KCNQ1: variants seen among roughly 807,000 people sequenced by gnomAD.
KCNQ1 encodes potassium voltage-gated channel subfamily Q member 1.
In KCNQ1, 49 loss-of-function variants were observed where a neutral mutation model predicts 72.4. The ratio of observed to expected loss-of-function variants is 0.68; its 90% confidence interval spans 0.54 to 0.86. The LOEUF is 0.86. KCNQ1 is among the 40% of genes least tolerant of loss of function. KCNQ1 has a pLI of 0.00. For missense variants in KCNQ1, 790 were observed against 945.1 expected (o/e 0.84, Z 2.15); for synonymous variants, 450 against 412.6 (o/e 1.09, Z -1.10).
In KCNQ1 at chr11:2,713,636, C is replaced by T. The variant is rs560177247; in HGVS notation, c.1514+51555C>T. On this transcript the variant is annotated intron_variant, in intron 11 of 15. Transcript: ENST00000155840. This position sits in a 1 kb window ranked among gnomAD's most constrained non-coding sequence, Gnocchi z 5.6. ...AAAAAAGTGAGCTGACATTATGGGT[C>T]GGCCCCTGTTCTGGAGGCCACAGCC... Among the ~76,000 whole-genome samples, 53 of 152,298 alleles carry T rather than the reference C, an allele frequency of 3.5e-4. No homozygotes were observed. Among genetic ancestry groups the T allele is most frequent in the African/African-American group, 1.2e-3 (48 of 41,558 alleles).
rs770729301 is a variant in KCNQ1, at chr11:2,764,345, A to C, written c.1515-4499A>C. Among the ~76,000 whole-genome samples the C allele has an allele frequency of 1.3e-5, 2 of 152,122 alleles. No individual in the cohort carries two copies. The highest frequency in any genetic ancestry group is 2.4e-5 in the African/African-American group (1 of 41,412). ...TCTGACTTATTCTGTTGATGTGAAG[A>C]GTGACGCTGCTTGGTCCTTAGAGGG... On this transcript the variant is annotated intron_variant, in intron 11 of 15. Transcript: ENST00000155840. This position sits in a 1 kb window ranked among gnomAD's most constrained non-coding sequence, Gnocchi z 4.8.
Position 2,447,740 on chromosome 11 carries a change from T to C in KCNQ1, c.386+2256T>C, listed in dbSNP as rs1846062294. The stretch of plus-strand genomic sequence containing the variant: ...TAGGTGGATTGTGAAATGAGAAATA[T>C]TGTGGTTTCTGGCCTGAAGACGACA... On this transcript the variant is annotated intron_variant, in intron 1 of 15. Transcript: ENST00000155840. This position sits in a 1 kb window ranked among gnomAD's most constrained non-coding sequence, Gnocchi z 7.6. 6.6e-6 allele frequency among the ~76,000 whole-genome samples: 1 copy of C among 152,168 alleles called. No individual in the cohort carries two copies. The highest frequency in any genetic ancestry group is 2.4e-5 in the African/African-American group (1 of 41,526).
intron 10 of KCNQ1, chr11:2,641,823 A>C (rs1382833227): frequency 2.5e-6 from 1 of 398,334 alleles, no homozygotes; most frequent in Admixed American, 4.4e-5. Context: ...GTATAGCAAG[A>C]GATAGAAACG....
chr11:2,550,152 G>A lies in KCNQ1; in HGVS notation c.478-20476G>A, dbSNP rs940242642. 2.6e-5 allele frequency among the ~76,000 whole-genome samples: 4 copies of A among 152,206 alleles called. No individual in the cohort carries two copies. The highest frequency in any genetic ancestry group is 1.9e-4 in the East Asian group (1 of 5,192). On this transcript the variant is annotated intron_variant, in intron 2 of 15. Coordinates refer to ENST00000155840, the MANE Select transcript of KCNQ1 (RefSeq NM_000218.3). This position sits in a 1 kb window ranked among gnomAD's most constrained non-coding sequence, Gnocchi z 6.0. ...TAGAGAACCAGAGCTGCCGAGCCCC[G>A]GCCTGGATGGACATCCCGCAGGCAG...
At chr11:2,618,888 C>G (rs988175710) in intron 10 of KCNQ1, 2 of 398,014 alleles carry the variant, frequency 5.0e-6, no homozygotes, top group Non-Finnish European at 8.9e-6. Flanking sequence ...GTGTACAGGT[C>G]TTTCATCTTT....
At position 2,549,391 on chromosome 11, in the gene KCNQ1, C is replaced by G. The variant is rs539784977; in HGVS notation, c.478-21237C>G. On this transcript the variant is annotated intron_variant, in intron 2 of 15. Coordinates refer to ENST00000155840, the MANE Select transcript of KCNQ1 (RefSeq NM_000218.3). This position sits in a 1 kb window ranked among gnomAD's most constrained non-coding sequence, Gnocchi z 6.2. ...CCTTGCCATCCTCGCCATCCTCTCTCCACACATCTGACCTTTGCCTGCTTT... is the reference window on the plus strand; with the variant it reads ...CCTTGCCATCCTCGCCATCCTCTCTGCACACATCTGACCTTTGCCTGCTTT... Among the ~76,000 whole-genome samples the G allele has an allele frequency of 6.6e-6, 1 of 151,988 alleles. No homozygotes were observed. Among genetic ancestry groups the G allele is most frequent in the Non-Finnish European group, 1.5e-5 (1 of 67,998 alleles).
chr11:2,445,452 C>T lies in KCNQ1; in HGVS notation c.354C>T (p.Thr118=), dbSNP rs774963923. The T allele has an allele frequency of 1.9e-5, 30 of 1,596,922 alleles. No homozygotes were observed. In the South Asian group the frequency reaches 2.5e-4, roughly 13 times the overall value. ...GRVYNFLERP[T]GWKCFVYHFA... ...TCTACAACTTCCTCGAGCGTCCCAC[C>T]GGCTGGAAATGCTTCGTTTACCACT... Residue 118 remains threonine, a synonymous_variant, in exon 1 of 16, where the codon ACC becomes ACT. Coordinates refer to ENST00000155840, the MANE Select transcript of KCNQ1 (RefSeq NM_000218.3).
At chr11:2,531,959 A>ACCCAC (rs1228253535) in intron 2 of KCNQ1, among the ~76,000 whole-genome samples, 2 of 151,872 alleles carry the variant, frequency 1.3e-5, no homozygotes, top group Non-Finnish European at 2.9e-5. Flanking sequence ...CTGTAACACT[A>ACCCAC]CCCACCCCAC....
chr11:2,605,095 G>T (rs1848861070), intron 10 of KCNQ1, among the ~76,000 whole-genome samples: 1 of 152,166 alleles, frequency 6.6e-6, no homozygotes, highest in Non-Finnish European at 1.5e-5. Context: ...CAACCCTGAA[G>T]AAATTTCTAT....
intron 1 of KCNQ1, among the ~76,000 whole-genome samples, chr11:2,452,277 A>G (rs988032724): frequency 7.2e-5 from 11 of 152,198 alleles, no homozygotes; most frequent in Non-Finnish European, 4.4e-5. Flanking sequence ...TTCAGAAAGC[A>G]GGAACCACAG....
chr11:2,516,471 G>A lies in KCNQ1; in HGVS notation c.387-11457G>A, dbSNP rs1211444101. Among the ~76,000 whole-genome samples the A allele has an allele frequency of 6.6e-6, 1 of 152,070 alleles. No homozygotes were observed. The highest frequency in any genetic ancestry group is 1.5e-5 in the Non-Finnish European group (1 of 68,006). On this transcript the variant is annotated intron_variant, in intron 1 of 15. Transcript: ENST00000155840. This position sits in a 1 kb window ranked among gnomAD's most constrained non-coding sequence, Gnocchi z 7.0. ...TTCCTGTTTGAATTCTCAATCTCCG[G>A]GCTCAAAATTGGCCCCCAGAAAGCC...
chr11:2,605,526 T>C (rs1564831218), intron 10 of KCNQ1, among the ~76,000 whole-genome samples: 2 of 152,246 alleles, frequency 1.3e-5, no homozygotes, highest in Non-Finnish European at 2.9e-5. Flanking sequence ...GTTTCAACAC[T>C]ATTTGTTCAA....
chr11:2,682,957 T>C lies in KCNQ1; in HGVS notation c.1514+20876T>C, dbSNP rs2133882859. 2.5e-6 allele frequency: 1 copy of C among 398,608 alleles called. No individual in the cohort carries two copies. Among genetic ancestry groups the C allele is most frequent in the East Asian group, 3.6e-5 (1 of 28,060 alleles). The allele number at this position is 398,608 out of a possible 1,614,324, so 24.7% of individuals were successfully genotyped here. On this transcript the variant is annotated intron_variant, in intron 11 of 15. Transcript: ENST00000155840. This position sits in a 1 kb window ranked among gnomAD's most constrained non-coding sequence, Gnocchi z 5.8. ...TGTGTGGAAGAAAGGACAGGAGTCC[T>C]TCTGCCACCCAGACTGTGCATTCAG... is the stretch of plus-strand genomic sequence containing the variant.
intron 13 of KCNQ1, 91 bp from the exon 14 acceptor site, chr11:2,776,895 G>T: frequency 7.8e-7 from 1 of 1,286,670 alleles, no homozygotes; most frequent in Non-Finnish European, 1.1e-6. Flanking sequence ...CTGTCTTGCC[G>T]GGCACGTCAA....
chr11:2,720,884 C>T lies in KCNQ1; in HGVS notation c.1515-47960C>T, dbSNP rs905758525. ...GGGAGTTGGGGCCTGGCCTGGACCT[C>T]GAGGCCACTGGGGACTTGGCTACCT... On this transcript the variant is annotated intron_variant, in intron 11 of 15. Coordinates refer to ENST00000155840, the MANE Select transcript of KCNQ1 (RefSeq NM_000218.3). This position sits in a 1 kb window ranked among gnomAD's most constrained non-coding sequence, Gnocchi z 5.1. Among the ~76,000 whole-genome samples the T allele has an allele frequency of 6.6e-6, 1 of 152,000 alleles. No homozygotes were observed.
Position 2,600,027 on chromosome 11 carries a change from G to T in KCNQ1, c.1393+11173G>T, listed in dbSNP as rs1019543378. Among the ~76,000 whole-genome samples, 2 of 152,164 alleles carry T rather than the reference G, an allele frequency of 1.3e-5. No individual in the cohort carries two copies. Among genetic ancestry groups the T allele is most frequent in the African/African-American group, 4.8e-5 (2 of 41,442 alleles). ...TCTGACCTTGAATTCCACAGGCAGG[G>T]TTCCTCTTTCCCGGCCGGCATTCCT... On this transcript the variant is annotated intron_variant, in intron 10 of 15. Coordinates refer to ENST00000155840, the MANE Select transcript of KCNQ1 (RefSeq NM_000218.3). This position sits in a 1 kb window ranked among gnomAD's most constrained non-coding sequence, Gnocchi z 5.6.
Position 2,678,843 on chromosome 11 carries a change from T to A in KCNQ1, c.1514+16762T>A, listed in dbSNP as rs1260696661. 1 of 398,442 alleles carries A rather than the reference T, an allele frequency of 2.5e-6. No individual in the cohort carries two copies. The highest frequency in any genetic ancestry group is 3.6e-5 in the East Asian group (1 of 28,084). 24.7% of individuals were successfully genotyped at this position (398,442 alleles called of 1,614,324 possible). A position where few individuals can be genotyped will look rare whatever the true frequency, so the allele number is the denominator to read the frequency against. On this transcript the variant is annotated intron_variant, in intron 11 of 15. Transcript: ENST00000155840. This position sits in a 1 kb window ranked among gnomAD's most constrained non-coding sequence, Gnocchi z 4.9. ...AAGGCTCACTTCAAGGAAGGCAGAA[T>A]CCAGGTCGGGGGTGCACAGGAGTTG...
chr11:2,678,499 T>C lies in KCNQ1; in HGVS notation c.1514+16418T>C. On this transcript the variant is annotated intron_variant, in intron 11 of 15. Coordinates refer to ENST00000155840, the MANE Select transcript of KCNQ1 (RefSeq NM_000218.3). The surrounding 1 kb of genome is among the most constrained non-coding windows in gnomAD (Gnocchi z 4.9). ...CAAACTCTCATTTAATTTGTGTCCA[T>C]TTCTAGACTCTATTCTGGACTGCTG... 2.5e-6 allele frequency: 1 copy of C among 398,646 alleles called. No individual in the cohort carries two copies. The highest frequency in any genetic ancestry group is 4.4e-6 in the Non-Finnish European group (1 of 226,062). 24.7% of individuals were successfully genotyped at this position (398,646 alleles called of 1,614,324 possible).
rs1176737556 is a variant in KCNQ1, at chr11:2,817,870, T to G, written c.1795-29897T>G. Among the ~76,000 whole-genome samples, 3 of 151,964 alleles carry G rather than the reference T, an allele frequency of 2.0e-5. No individual in the cohort carries two copies. The East Asian group carries it at 5.8e-4, about 29-fold the overall frequency. On this transcript the variant is annotated intron_variant, in intron 15 of 15. Coordinates refer to ENST00000155840, the MANE Select transcript of KCNQ1 (RefSeq NM_000218.3). The surrounding 1 kb of genome is among the most constrained non-coding windows in gnomAD (Gnocchi z 6.1). ...GTTAGAAACCTCTGGCACTCTCCCCTCCCCAGCCAGCACCTACCAGCTTTG... is the reference window on the plus strand; with the variant it reads ...GTTAGAAACCTCTGGCACTCTCCCCGCCCCAGCCAGCACCTACCAGCTTTG...
Sources: allele counts gnomAD v4.1 joint callset (sites outside exome capture counted in the v4.1 genomes callset), GRCh38; gene constraint gnomAD v4.1.1; non-coding constraint Gnocchi (gnomAD v3.1); transcripts MANE v1.5; gene names NCBI Gene and HGNC (gene_info 2026-07-23, HGNC 2026-07-21).